Variants in SLC2A9 observed in about 807,000 individuals in gnomAD.
The protein encoded by SLC2A9 is solute carrier family 2 member 9, also known as solute carrier family 2, facilitated glucose transporter member 9.
SLC2A9 carries 39 observed loss-of-function variants against 50.6 expected under a neutral mutation model. The observed-to-expected ratio is 0.77, with a 90% confidence interval of 0.60 to 1.01. The LOEUF (loss-of-function observed/expected upper bound fraction) is 1.01. Ranked by LOEUF, SLC2A9 falls within the 50% of genes least tolerant of loss-of-function variation. SLC2A9 has a pLI of 0.00. For missense variants in SLC2A9, 686 were observed against 677.6 expected, an observed-to-expected ratio of 1.01 and a Z score of -0.14; for synonymous variants, 324 against 276.9, an observed-to-expected ratio of 1.17 and a Z score of -1.69.
chr4:9,778,038 TTC>T (rs1445539031), downstream of SLC2A9, among the ~76,000 whole-genome samples: 1 of 130,190 alleles, frequency 7.7e-6, no homozygotes, highest in Non-Finnish European at 1.6e-5. Flanking sequence ...TACTTCTATT[TTC>T]TTTCTTTCTT....
At chr4:9,902,400 T>A (rs1278344820) in intron 8 of SLC2A9, among the ~76,000 whole-genome samples, 1 of 152,216 alleles carries the variant, frequency 6.6e-6, no homozygotes, top group East Asian at 1.9e-4. Context: ...CTTCTAGTCT[T>A]TGAGAGGTAG....
intron 3 of SLC2A9, among the ~76,000 whole-genome samples, chr4:9,785,892 G>A (rs913470887): frequency 6.6e-6 from 1 of 152,222 alleles, no homozygotes; most frequent in African/African-American, 2.4e-5. Flanking sequence ...CCCAGGGTGA[G>A]TAGGGTGGTG....
At chr4:9,945,057 A>G (rs1208118367) in intron 5 of SLC2A9, among the ~76,000 whole-genome samples, 2 of 152,234 alleles carry the variant, frequency 1.3e-5, no homozygotes, top group Non-Finnish European at 2.9e-5. Context: ...AGAATTTCTG[A>G]CAATGAACAT....
chr4:9,855,424 C>T (rs763693449), intron 10 of SLC2A9, among the ~76,000 whole-genome samples: 6 of 151,918 alleles, frequency 3.9e-5, no homozygotes, highest in Non-Finnish European at 8.8e-5. Context: ...GCGAAAGATC[C>T]CTACAATGAA....
intron 2 of SLC2A9, 106 bp downstream of exon 2, chr4:10,018,869 G>T: frequency 1.8e-6 from 2 of 1,115,710 alleles, no homozygotes; most frequent in Non-Finnish European, 1.3e-6. Context: ...GCGGTGTCCC[G>T]CGCCGCGAGC....
chr4:10,003,422 T>C (rs1012108599), intron 2 of SLC2A9, among the ~76,000 whole-genome samples: 4 of 152,186 alleles, frequency 2.6e-5, no homozygotes, highest in African/African-American at 9.7e-5. Flanking sequence ...CAAGCATTGC[T>C]TTGGGAGTCT....
At chr4:9,937,535 C>T (rs1190773955) in intron 6 of SLC2A9, among the ~76,000 whole-genome samples, 1 of 152,206 alleles carries the variant, frequency 6.6e-6, no homozygotes, top group Non-Finnish European at 1.5e-5. Context: ...CTTCCGGGAG[C>T]AGGTGACTGC....
intron 10 of SLC2A9, among the ~76,000 whole-genome samples, chr4:9,867,343 G>C (rs1206345687): frequency 6.6e-6 from 1 of 152,204 alleles, no homozygotes; most frequent in Non-Finnish European, 1.5e-5. Context: ...GCAGCCATGT[G>C]GGTTTCTCAT....
downstream of SLC2A9, among the ~76,000 whole-genome samples, chr4:9,775,466 A>G (rs1717426095): frequency 6.6e-6 from 1 of 151,986 alleles, no homozygotes; most frequent in South Asian, 2.1e-4. Context: ...TAATTTGGAT[A>G]TTTATCTCCA....
intron 6 of SLC2A9, among the ~76,000 whole-genome samples, chr4:9,921,164 T>G (rs570349095): frequency 1.3e-5 from 2 of 152,304 alleles, no homozygotes; most frequent in South Asian, 4.1e-4. Flanking sequence ...CCCTTCCATG[T>G]GATCCTCTGA....
rs149285862 is a variant in SLC2A9, at chr4:9,940,940, T to G, written c.814+973A>C. 2.8e-3 allele frequency among the ~76,000 whole-genome samples: 427 copies of G among 152,326 alleles called. 10 individuals are homozygous for G. The highest frequency in any genetic ancestry group is 0.019 in the Admixed American group (293 of 15,300). ...CAGTAATAATGATAGCAGATAATAC[T>G]ACGAACCTTATATGCACCATCTAAT... is the stretch of plus-strand genomic sequence containing the variant. On this transcript the variant is annotated intron_variant, in intron 6 of 11. Transcript: ENST00000264784.
chr4:9,992,013 G>A (rs762201963), intron 3 of SLC2A9, among the ~76,000 whole-genome samples: 1 of 152,214 alleles, frequency 6.6e-6, no homozygotes, highest in Non-Finnish European at 1.5e-5. Context: ...AAATACAGAT[G>A]CCTTTTAAAG....
chr4:9,942,856 G>A (rs1401272317), intron 5 of SLC2A9, among the ~76,000 whole-genome samples: 1 of 152,182 alleles, frequency 6.6e-6, no homozygotes, highest in Non-Finnish European at 1.5e-5. Context: ...ATGCAGTTCT[G>A]ATCATGAGAA....
At chr4:9,820,615 C>G (rs1395954813) in intron 3 of SLC2A9, among the ~76,000 whole-genome samples, 1 of 152,124 alleles carries the variant, frequency 6.6e-6, no homozygotes, top group Non-Finnish European at 1.5e-5. Flanking sequence ...CTTATTTCAT[C>G]AGTGTTTTGT....
intron 10 of SLC2A9, among the ~76,000 whole-genome samples, chr4:9,850,661 C>A (rs1729737028): frequency 6.6e-6 from 1 of 152,094 alleles, no homozygotes; most frequent in Non-Finnish European, 1.5e-5. Flanking sequence ...TCACCCACAG[C>A]CTCCCCTCAC....
intron 3 of SLC2A9, among the ~76,000 whole-genome samples, chr4:9,788,023 C>A (rs1451622830): frequency 1.3e-5 from 2 of 152,256 alleles, no homozygotes; most frequent in Non-Finnish European, 2.9e-5. Context: ...TTGGTTTTAG[C>A]ATTTATTAGT....
chr4:9,835,742 G>A (rs1726951228), intron 10 of SLC2A9, among the ~76,000 whole-genome samples: 2 of 152,164 alleles, frequency 1.3e-5, no homozygotes, highest in African/African-American at 4.8e-5. Flanking sequence ...AACATCGTAT[G>A]TTGTCACTCA....
At chr4:9,962,664 C>T (rs1399370721) in intron 5 of SLC2A9, among the ~76,000 whole-genome samples, 2 of 152,100 alleles carry the variant, frequency 1.3e-5, no homozygotes, top group African/African-American at 4.8e-5. Context: ...CACCATGACA[C>T]ATGTTTACCC....
At chr4:9,916,643 T>A (rs1042036503) in intron 7 of SLC2A9, among the ~76,000 whole-genome samples, 1 of 152,144 alleles carries the variant, frequency 6.6e-6, no homozygotes, top group Non-Finnish European at 1.5e-5. Context: ...TTTTTCAGGA[T>A]GGGAGACTGA....
Sources: allele counts gnomAD v4.1 joint callset (sites outside exome capture counted in the v4.1 genomes callset), GRCh38; gene constraint gnomAD v4.1.1; transcripts MANE v1.5; gene names NCBI Gene and HGNC (gene_info 2026-07-23, HGNC 2026-07-21).